Variants in ATXN1 observed in about 807,000 individuals in gnomAD.
ATXN1 encodes the protein ataxin 1, also known as ataxin-1.
Under a neutral mutation model 56.4 loss-of-function variants are expected in ATXN1, and 8 were observed. That is an observed-to-expected ratio of 0.14 (90% confidence interval 0.08 to 0.26). The LOEUF (loss-of-function observed/expected upper bound fraction) is 0.26, where lower values mean the gene tolerates loss of function less well. Among genes scored for constraint, ATXN1 ranks in the 10% least tolerant of loss-of-function variants. The pLI is 1.00. For missense variants in ATXN1, 987 were observed against 1,106.5 expected (o/e 0.89, Z 1.53); for synonymous variants, 514 against 494.6 (o/e 1.04, Z -0.52).
intron 6 of ATXN1, among the ~76,000 whole-genome samples, chr6:16,405,613 T>A (rs1758669978): frequency 6.6e-6 from 1 of 152,204 alleles, no homozygotes; most frequent in Admixed American, 6.5e-5. Flanking sequence ...ATGGAAGCGA[T>A]TTCAGAGATG....
At chr6:16,545,706 T>C (rs920224635) in intron 4 of ATXN1, among the ~76,000 whole-genome samples, 4 of 152,198 alleles carry the variant, frequency 2.6e-5, no homozygotes, top group Non-Finnish European at 4.4e-5. Context: ...GTTTGCGCTA[T>C]AGGAGAAGAG....
chr6:16,564,087 C>A (rs550102989), intron 4 of ATXN1, among the ~76,000 whole-genome samples: 1 of 152,254 alleles, frequency 6.6e-6, no homozygotes, highest in Admixed American at 6.5e-5. Flanking sequence ...GCTGAATGAC[C>A]TCCAGGCTTA....
intron 6 of ATXN1, among the ~76,000 whole-genome samples, chr6:16,418,918 G>C (rs941110100): frequency 2.0e-5 from 3 of 151,776 alleles, no homozygotes; most frequent in Non-Finnish European, 2.9e-5. Flanking sequence ...CTGAAATTTG[G>C]CCAAGGTGTT....
chr6:16,726,418 C>T (rs1205616007), intron 2 of ATXN1, among the ~76,000 whole-genome samples: 1 of 151,702 alleles, frequency 6.6e-6, no homozygotes, highest in East Asian at 1.9e-4. Context: ...CCCAGTTCTG[C>T]CCACTAACAT....
chr6:16,633,698 G>A (rs1006341046), intron 3 of ATXN1, among the ~76,000 whole-genome samples: 4 of 152,164 alleles, frequency 2.6e-5, no homozygotes, highest in Non-Finnish European at 5.9e-5. Context: ...AGGAGGATTA[G>A]AGCAAATATG....
Position 16,586,792 on chromosome 6 carries a change from G to A in ATXN1, c.-488-885C>T, listed in dbSNP as rs551678050. On this transcript the variant is annotated intron_variant, in intron 3 of 7. Coordinates refer to ENST00000436367, the MANE Select transcript of ATXN1 (RefSeq NM_001128164.2). ...TCCCAGCACTTTGGGAGGCTGAGGT[G>A]GGCGGATCATGAGGTCAGGAGATCG... Among the ~76,000 whole-genome samples, 27 of 152,248 alleles carry A rather than the reference G, an allele frequency of 1.8e-4. No individual in the cohort carries two copies. In the South Asian group the frequency reaches 5.6e-3, roughly 32 times the overall value.
chr6:16,528,059 C>T (rs1419816943), intron 4 of ATXN1, among the ~76,000 whole-genome samples: 4 of 151,878 alleles, frequency 2.6e-5, no homozygotes, highest in East Asian at 1.9e-4. Context: ...CCAGCACTTT[C>T]GGAGGCCAAG....
At chr6:16,498,224 T>C (rs191795926) in intron 5 of ATXN1, among the ~76,000 whole-genome samples, 10 of 152,352 alleles carry the variant, frequency 6.6e-5, no homozygotes, top group Admixed American at 6.5e-4. Flanking sequence ...ATGTTGTGTA[T>C]AAACTGAATC....
intron 4 of ATXN1, among the ~76,000 whole-genome samples, chr6:16,550,602 T>C (rs1420149318): frequency 1.3e-5 from 2 of 152,198 alleles, no homozygotes; most frequent in African/African-American, 4.8e-5. Flanking sequence ...TAATAAATAG[T>C]AACATAATTA....
At position 16,728,358 on chromosome 6, in the gene ATXN1, G is replaced by A. The variant is rs149711610; in HGVS notation, c.-615+24875C>T. Among the ~76,000 whole-genome samples the A allele has an allele frequency of 4.5e-3, 681 of 152,344 alleles. 6 individuals carry two copies. The highest frequency in any genetic ancestry group is 8.3e-3 in the Non-Finnish European group (567 of 68,022). The stretch of plus-strand genomic sequence containing the variant: ...GAAGTGGAGATTCATGCTGGGCATG[G>A]ACAGTGGGGCAGAATGAGGACAGGT... On this transcript the variant is annotated intron_variant, in intron 2 of 7. Coordinates refer to ENST00000436367, the MANE Select transcript of ATXN1 (RefSeq NM_001128164.2).
At chr6:16,324,268 C>A (rs1316888333) in intron 7 of ATXN1, among the ~76,000 whole-genome samples, 1 of 152,032 alleles carries the variant, frequency 6.6e-6, no homozygotes, top group Non-Finnish European at 1.5e-5. Flanking sequence ...CACAGCAAGA[C>A]CCCATCTCTA....
In ATXN1 at chr6:16,327,217, G is replaced by A. The variant is rs370726407; in HGVS notation, c.1094C>T (p.Pro365Leu). The change falls in exon 7 of 8, where the codon CCG becomes CTG. Residue 365 changes from proline to leucine, a missense_variant. This residue lies in a region of ATXN1 where 723 missense variants were observed against 791.7 expected (regional missense o/e 0.91). Transcript: ENST00000436367. ...ACGACTGCTGTAGTCTGAGGGGCTC[G>A]GGTGGACCACCACGTGCCTGGACTC... Reference protein sequence around the residue: ...PYESRHVVVHPSPSDYSSRDP... With the variant: ...PYESRHVVVHLSPSDYSSRDP... 5.0e-6 allele frequency: 8 copies of A among 1,613,482 alleles called. No individual in the cohort carries two copies. Among genetic ancestry groups the A allele is most frequent in the Admixed American group, 3.3e-5 (2 of 60,000 alleles).
intron 6 of ATXN1, among the ~76,000 whole-genome samples, chr6:16,399,033 G>C (rs1006802788): frequency 2.0e-5 from 3 of 152,154 alleles, no homozygotes; most frequent in African/African-American, 7.2e-5. Flanking sequence ...CTCCAGCCAG[G>C]GTTAAAACCT....
intron 5 of ATXN1, among the ~76,000 whole-genome samples, chr6:16,501,485 C>A (rs1490036362): frequency 6.6e-6 from 1 of 152,104 alleles, no homozygotes; most frequent in Non-Finnish European, 1.5e-5. Context: ...GCCCCCCACT[C>A]ACCGATAGGC....
chr6:16,565,315 G>A (rs2113743737), intron 4 of ATXN1, among the ~76,000 whole-genome samples: 1 of 152,154 alleles, frequency 6.6e-6, no homozygotes, highest in Admixed American at 6.5e-5. Flanking sequence ...CACCTAATAG[G>A]CCACATCATT....
At chr6:16,561,065 T>C (rs968328607) in intron 4 of ATXN1, among the ~76,000 whole-genome samples, 20 of 152,014 alleles carry the variant, frequency 1.3e-4, no homozygotes, top group African/African-American at 4.8e-4. Flanking sequence ...AAAAATAAAA[T>C]AAAAAGAATT....
At chr6:16,418,697 G>A (rs1471265290) in intron 6 of ATXN1, among the ~76,000 whole-genome samples, 1 of 132,174 alleles carries the variant, frequency 7.6e-6, no homozygotes, top group Non-Finnish European at 1.6e-5. Flanking sequence ...TCCTAATGCT[G>A]TCCCTCCCCC....
intron 3 of ATXN1, among the ~76,000 whole-genome samples, chr6:16,631,599 C>A (rs1263451367): frequency 2.0e-5 from 3 of 152,204 alleles, no homozygotes; most frequent in Non-Finnish European, 4.4e-5. Flanking sequence ...CTCCAGGATA[C>A]CTGTCTTGCC....
At chr6:16,603,762 G>T (rs1299152599) in intron 3 of ATXN1, among the ~76,000 whole-genome samples, 3 of 152,198 alleles carry the variant, frequency 2.0e-5, no homozygotes, top group African/African-American at 7.2e-5. Flanking sequence ...TGAAGTGGGG[G>T]AAGTGTTCCA....
Sources: gnomAD v4.1 joint callset for allele counts (sites outside exome capture counted in the v4.1 genomes callset) on GRCh38, gnomAD v4.1.1 for gene constraint, gnomAD v4.1.1 regional missense constraint, MANE v1.5 for transcripts, NCBI Gene and HGNC (gene_info 2026-07-23, HGNC 2026-07-21) for gene names.